The following KIAA1549 variants were observed in gnomAD, a reference collection of about 807,000 sequenced individuals.
KIAA1549 encodes the protein UPF0606 protein KIAA1549.
KIAA1549 carries 70 observed loss-of-function variants against 156.4 expected under a neutral mutation model. The ratio of observed to expected loss-of-function variants is 0.45; its 90% confidence interval spans 0.37 to 0.55. The LOEUF is 0.55. Among genes scored for constraint, KIAA1549 ranks in the 20% least tolerant of loss-of-function variants. The pLI, the probability that KIAA1549 is intolerant of heterozygous loss-of-function variation, is 0.00. For missense variants in KIAA1549, 2,428 were observed against 2,540.9 expected (o/e 0.96, Z 0.96); for synonymous variants, 1,103 against 1,066.4 (o/e 1.03, Z -0.67).
At position 138,917,096 on chromosome 7, in the gene KIAA1549, G is replaced by A. The variant is rs764227010; in HGVS notation, c.2530C>T (p.Leu844=). 6.2e-7 allele frequency: 1 copy of A among 1,609,878 alleles called. No individual in the cohort carries two copies. The highest frequency in any genetic ancestry group is 1.7e-5 in the Admixed American group (1 of 59,790). The change falls in exon 2 of 20, where the codon CTG becomes TTG. Residue 844 remains leucine (L), a synonymous_variant. Coordinates refer to ENST00000422774, the MANE Select transcript of KIAA1549 (RefSeq NM_001164665.2). ...GAAACAAACGAGGATCCTGATGGCA[G>A]GTACGCGTCAGTGATCAACACCGTA... is the stretch of plus-strand genomic sequence containing the variant. The part of the protein sequence containing the change: ...TGTVLITDAY[L]PSGSSFVSEA...
At chr7:138,876,484 T>C (rs1811088818) in intron 12 of KIAA1549, 1 of 152,240 alleles carries the variant, frequency 6.6e-6, no homozygotes, top group Admixed American at 6.5e-5. Context: ...CCTTAGCACA[T>C]GCAAAAGTCA....
chr7:138,835,739 G>A lies in KIAA1549; in HGVS notation c.*2167C>T, dbSNP rs950086475. The A allele has an allele frequency of 9.1e-6, 2 of 218,630 alleles. No individual in the cohort carries two copies. The highest frequency in any genetic ancestry group is 9.2e-6 in the Non-Finnish European group (1 of 109,070). The allele number at this position is 218,630 out of a possible 1,614,324, so 13.5% of individuals were successfully genotyped here. A position where few individuals can be genotyped will look rare whatever the true frequency, so the allele number is the denominator to read the frequency against. Reference sequence around the variant, plus strand: ...ATAATCGTTCAATTTGGGAGGAGTCGGGTATTAAACCAAGACCAAGAGAAA... The same window carrying A: ...ATAATCGTTCAATTTGGGAGGAGTCAGGTATTAAACCAAGACCAAGAGAAA... On this transcript the variant is annotated 3_prime_UTR_variant, in exon 20 of 20. Transcript: ENST00000422774.
At position 138,865,480 on chromosome 7, in the gene KIAA1549, T is replaced by C. The variant is rs540515014; in HGVS notation, c.4929+2495A>G. On this transcript the variant is annotated intron_variant, in intron 15 of 19. Transcript: ENST00000422774. ...TGTACATGTACCACTGATTCTAAAA[T>C]ACAAGTTGAGGGAAAAAAAGATAAA... Among the ~76,000 whole-genome samples, 80 of 150,968 alleles carry C rather than the reference T, an allele frequency of 5.3e-4. 1 individual carries two copies. The highest frequency in any genetic ancestry group is 1.9e-3 in the African/African-American group (78 of 41,144).
At chr7:138,900,242 T>G (rs997404543) in intron 8 of KIAA1549, among the ~76,000 whole-genome samples, 8 of 152,210 alleles carry the variant, frequency 5.3e-5, no homozygotes, top group Admixed American at 1.3e-4. Context: ...AGATCGTGTC[T>G]AAAGATCCTT....
In KIAA1549 at chr7:138,869,531, A is replaced by G; in HGVS notation, c.4775+7T>C. The G allele has an allele frequency of 6.4e-7, 1 of 1,555,540 alleles. No individual in the cohort carries two copies. Among genetic ancestry groups the G allele is most frequent in the Non-Finnish European group, 8.7e-7 (1 of 1,150,362 alleles). On this transcript the variant is annotated splice_region_variant and intron_variant, in intron 14 of 19. Coordinates refer to ENST00000422774, the MANE Select transcript of KIAA1549 (RefSeq NM_001164665.2). ...GCCCCACCGCCTAGCGCAGAGCCCC[A>G]GCCCACCTCTTCCTGGGCTCTATGA... is the stretch of plus-strand genomic sequence containing the variant.
chr7:138,958,882 G>GT (rs149890898), intron 1 of KIAA1549, among the ~76,000 whole-genome samples: 13,725 of 150,162 alleles, frequency 0.091, 696 homozygotes, highest in South Asian at 0.2. Flanking sequence ...TAGCCCAAAG[G>GT]TTTTTTTTTT....
At chr7:138,841,641 G>A (rs1045718152) in intron 18 of KIAA1549, among the ~76,000 whole-genome samples, 1 of 152,094 alleles carries the variant, frequency 6.6e-6, no homozygotes, top group African/African-American at 2.4e-5. Context: ...GAACCACAAA[G>A]GCTCCAAGCG....
intron 19 of KIAA1549, among the ~76,000 whole-genome samples, chr7:138,839,880 C>T (rs954850091): frequency 6.7e-6 from 1 of 148,726 alleles, no homozygotes; most frequent in Admixed American, 6.8e-5. Context: ...CTCCATCTCC[C>T]GGGTTCAAGT....
chr7:138,857,790 C>T (rs1810436229), intron 16 of KIAA1549, among the ~76,000 whole-genome samples: 2 of 152,224 alleles, frequency 1.3e-5, no homozygotes, highest in African/African-American at 4.8e-5. Context: ...CTAATATTAA[C>T]ATAGCCATTC....
At chr7:138,890,879 A>AC (rs1811526124) in intron 10 of KIAA1549, among the ~76,000 whole-genome samples, 2 of 149,068 alleles carry the variant, frequency 1.3e-5, no homozygotes, top group African/African-American at 5.0e-5. Flanking sequence ...TGTCCTGAAA[A>AC]CCCCCCAGGG....
At chr7:138,974,074 T>C (rs920553128) in intron 1 of KIAA1549, among the ~76,000 whole-genome samples, 1 of 152,240 alleles carries the variant, frequency 6.6e-6, no homozygotes, top group Admixed American at 6.5e-5. Flanking sequence ...ATTCTAATTT[T>C]ACAGGTAAAG....
At chr7:138,901,227 T>G (rs1811831443) in intron 8 of KIAA1549, among the ~76,000 whole-genome samples, 1 of 152,176 alleles carries the variant, frequency 6.6e-6, no homozygotes, top group South Asian at 2.1e-4. Flanking sequence ...AAAATCACTG[T>G]AAACATTTTA....
intron 1 of KIAA1549, among the ~76,000 whole-genome samples, chr7:138,978,524 A>C (rs2130583355): frequency 6.6e-6 from 1 of 152,240 alleles, no homozygotes. Flanking sequence ...AATGAAATAC[A>C]AATAGACAAG....
intron 6 of KIAA1549, 70 bp downstream of exon 6, chr7:138,906,838 CTAAAAAAATTT>C: frequency 8.6e-7 from 1 of 1,167,084 alleles, no homozygotes; most frequent in South Asian, 2.1e-5. Flanking sequence ...TTTTAAAAAA[CTAAAAAAATTT>C]TAAGAAGAGG....
intron 1 of KIAA1549, 107 bp from the exon 2 acceptor site, chr7:138,919,545 A>G: frequency 2.0e-6 from 3 of 1,503,110 alleles, no homozygotes; most frequent in Non-Finnish European, 2.7e-6. Context: ...TCCATTCACC[A>G]TAAATATCCA....
chr7:138,955,468 G>A (rs1813634963), intron 1 of KIAA1549, among the ~76,000 whole-genome samples: 1 of 152,192 alleles, frequency 6.6e-6, no homozygotes, highest in African/African-American at 2.4e-5. Context: ...CCAGGGGATA[G>A]GGGAGAGGGG....
At chr7:138,929,674 A>G (rs1388730398) in intron 1 of KIAA1549, among the ~76,000 whole-genome samples, 1 of 152,008 alleles carries the variant, frequency 6.6e-6, no homozygotes, top group Non-Finnish European at 1.5e-5. Context: ...TATGAAATAT[A>G]TTTCTTTTAT....
intron 8 of KIAA1549, among the ~76,000 whole-genome samples, chr7:138,900,249 C>G (rs1337444939): frequency 6.6e-6 from 1 of 152,182 alleles, no homozygotes. Context: ...GTCTAAAGAT[C>G]CTTAACAACA....
rs765944553 is a variant in KIAA1549, at chr7:138,844,375, C to T, written c.5394G>A (p.Gly1798=). Residue 1798 remains glycine (G), a synonymous_variant, in exon 18 of 20, where the codon GGG becomes GGA. Coordinates refer to ENST00000422774, the MANE Select transcript of KIAA1549 (RefSeq NM_001164665.2). ...ASAEAPFAAR[G]IYSEEMPSVA... Reference sequence around the variant, plus strand: ...CCGACGGCATCTCCTCCGAGTAGATCCCTCTGGCAGCAAATGGGGCTTCGG... The same window carrying T: ...CCGACGGCATCTCCTCCGAGTAGATTCCTCTGGCAGCAAATGGGGCTTCGG... The T allele has an allele frequency of 1.2e-6, 2 of 1,612,756 alleles. No individual in the cohort carries two copies. The highest frequency in any genetic ancestry group is 2.2e-5 in the South Asian group (2 of 90,932).
Sources: gnomAD v4.1 joint callset for allele counts (sites outside exome capture counted in the v4.1 genomes callset) on GRCh38, gnomAD v4.1.1 for gene constraint, MANE v1.5 for transcripts, NCBI Gene and HGNC (gene_info 2026-07-23, HGNC 2026-07-21) for gene names.